Variants in PIEZO2 observed in about 807,000 individuals in gnomAD.
PIEZO2 encodes piezo-type mechanosensitive ion channel component 2.
In PIEZO2, 172 loss-of-function variants were observed where a neutral mutation model predicts 337.3. That is an observed-to-expected ratio of 0.51 (90% CI 0.45 to 0.58). The LOEUF (loss-of-function observed/expected upper bound fraction) is 0.58, where lower values mean the gene tolerates loss of function less well. Ranked by LOEUF, PIEZO2 falls within the 20% of genes least tolerant of loss-of-function variation. PIEZO2 has a pLI of 0.00. For synonymous variants in PIEZO2, 1,251 were observed against 1,228.5 expected, an observed-to-expected ratio of 1.02 and a Z score of -0.38; for missense variants, 3,028 against 3,391.3, an observed-to-expected ratio of 0.89 and a Z score of 2.66.
At position 10,855,311 on chromosome 18, in the gene PIEZO2, G is replaced by A. The variant is rs936764751; in HGVS notation, c.917+42C>T. 106 of 1,478,210 alleles carry A rather than the reference G, an allele frequency of 7.2e-5. No individual in the cohort carries two copies. Among genetic ancestry groups the A allele is most frequent in the Non-Finnish European group, 9.1e-5 (100 of 1,094,102 alleles). The allele number at this position is 1,478,210 out of a possible 1,614,324, so 91.6% of individuals were successfully genotyped here. ...CCAAACCAAGGTCCCAAAGGCGTGG[G>A]GGGACAACCTCTCCTGGAAATGCCA... On this transcript the variant is annotated intron_variant, in intron 7 of 55. Transcript: ENST00000674853. The surrounding 1 kb of genome is among the most constrained non-coding windows in gnomAD (Gnocchi z 4.9).
intron 2 of PIEZO2, among the ~76,000 whole-genome samples, chr18:11,024,525 G>C (rs1316058258): frequency 1.4e-5 from 2 of 138,750 alleles, no homozygotes; most frequent in African/African-American, 2.7e-5. Context: ...CAGCCTGGGC[G>C]ACAGAGCGAG....
At chr18:11,141,500 C>G (rs2040645243) in intron 1 of PIEZO2, among the ~76,000 whole-genome samples, 3 of 152,124 alleles carry the variant, frequency 2.0e-5, no homozygotes, top group African/African-American at 7.2e-5. Flanking sequence ...GCGGGGCGCA[C>G]AGAATGTAGA....
intron 1 of PIEZO2, among the ~76,000 whole-genome samples, chr18:11,071,370 T>A (rs1160227260): frequency 6.6e-6 from 1 of 152,214 alleles, no homozygotes; most frequent in African/African-American, 2.4e-5. Context: ...GTAGAGACAT[T>A]TGGTCATTCA....
At position 11,112,803 on chromosome 18, in the gene PIEZO2, C is replaced by G. The variant is rs973212606; in HGVS notation, c.64+35722G>C. Among the ~76,000 whole-genome samples the G allele has an allele frequency of 6.6e-6, 1 of 152,088 alleles. No homozygotes were observed. Among genetic ancestry groups the G allele is most frequent in the Non-Finnish European group, 1.5e-5 (1 of 68,032 alleles). On this transcript the variant is annotated intron_variant, in intron 1 of 55. Coordinates refer to ENST00000674853, the MANE Select transcript of PIEZO2 (RefSeq NM_001378183.1). The surrounding 1 kb of genome is among the most constrained non-coding windows in gnomAD (Gnocchi z 4.3). ...TTCTCTCCATCTGCAGTTAGGTCAC[C>G]GACAAGAGGAAGAGGCGCTATGGAG... is the stretch of plus-strand genomic sequence containing the variant.
At position 11,129,360 on chromosome 18, in the gene PIEZO2, A is replaced by G. The variant is rs1038652252; in HGVS notation, c.64+19165T>C. On this transcript the variant is annotated intron_variant, in intron 1 of 55. Transcript: ENST00000674853. The surrounding 1 kb of genome is among the most constrained non-coding windows in gnomAD (Gnocchi z 4.6). ...GGTAGGCGTAGCTACCATAATGGAC[A>G]GCAGAGGCAAAGCGGCAATCAGAAT... 6.6e-6 allele frequency among the ~76,000 whole-genome samples: 1 copy of G among 152,144 alleles called. No homozygotes were observed. Among genetic ancestry groups the G allele is most frequent in the Non-Finnish European group, 1.5e-5 (1 of 68,012 alleles).
rs187592768 is a variant in PIEZO2, at chr18:10,713,355, T to G, written c.5423+1409A>C. 8.8e-3 allele frequency among the ~76,000 whole-genome samples: 1,307 copies of G among 147,900 alleles called. 9 individuals are homozygous for G. The highest frequency in any genetic ancestry group is 0.014 in the Non-Finnish European group (943 of 66,938). ...AGCACTTTAGGGCAAAACTTTTTGG[T>G]TTTTTTTTTACCCACATTCCTCACT... is the stretch of plus-strand genomic sequence containing the variant. On this transcript the variant is annotated intron_variant, in intron 39 of 55. Transcript: ENST00000674853. The surrounding 1 kb of genome is among the most constrained non-coding windows in gnomAD (Gnocchi z 4.5).
rs2040258574 is a variant in PIEZO2 at position 11,128,811 on chromosome 18, C to G, written c.64+19714G>C. Reference sequence around the variant, plus strand: ...GGAGGTGCACTACACTCAAAAAGAACTGTTTGAGTTCTCTAATTTATATAA... The same window carrying G: ...GGAGGTGCACTACACTCAAAAAGAAGTGTTTGAGTTCTCTAATTTATATAA... On this transcript the variant is annotated intron_variant, in intron 1 of 55. Transcript: ENST00000674853. The surrounding 1 kb of genome is among the most constrained non-coding windows in gnomAD (Gnocchi z 4.1). Among the ~76,000 whole-genome samples, 1 of 152,104 alleles carries G rather than the reference C, an allele frequency of 6.6e-6. No homozygotes were observed. Among genetic ancestry groups the G allele is most frequent in the Non-Finnish European group, 1.5e-5 (1 of 68,028 alleles).
At chr18:11,059,967 C>T (rs1449900751) in intron 2 of PIEZO2, among the ~76,000 whole-genome samples, 1 of 152,162 alleles carries the variant, frequency 6.6e-6, no homozygotes, top group African/African-American at 2.4e-5. Context: ...CTTCTCAGCA[C>T]CACACCGCAC....
At chr18:10,708,921 G>A (rs768366728) in intron 39 of PIEZO2, among the ~76,000 whole-genome samples, 27 of 151,800 alleles carry the variant, frequency 1.8e-4, no homozygotes, top group Non-Finnish European at 3.1e-4. Flanking sequence ...TTTTTAACAC[G>A]GTCTTCAGAA....
rs2038580553 is a variant in PIEZO2, at chr18:11,077,320, T to A, written c.65-11098A>T. On this transcript the variant is annotated intron_variant, in intron 1 of 55. Coordinates refer to ENST00000674853, the MANE Select transcript of PIEZO2 (RefSeq NM_001378183.1). This position sits in a 1 kb window ranked among gnomAD's most constrained non-coding sequence, Gnocchi z 4.8. ...AAGTGAAGAGTTAGCATTTGTAGAC[T>A]GGAGGACTTGGTAGCTTGCTTTGGT... Among the ~76,000 whole-genome samples, 1 of 152,190 alleles carries A rather than the reference T, an allele frequency of 6.6e-6. No individual in the cohort carries two copies. Among genetic ancestry groups the A allele is most frequent in the African/African-American group, 2.4e-5 (1 of 41,456 alleles).
chr18:10,882,174 ATG>A (rs1381639710), intron 4 of PIEZO2, among the ~76,000 whole-genome samples: 1 of 152,116 alleles, frequency 6.6e-6, no homozygotes, highest in Non-Finnish European at 1.5e-5. Context: ...AGAGCTCCCC[ATG>A]TGTTTACTTG....
intron 7 of PIEZO2, among the ~76,000 whole-genome samples, chr18:10,814,806 G>A (rs16975399): frequency 0.19 from 28,896 of 152,072 alleles, 2,867 homozygotes; most frequent in Admixed American, 0.25. Flanking sequence ...CATGATGACT[G>A]GCCAATGAGA....
chr18:10,801,244 T>C (rs2039803603), intron 10 of PIEZO2, 146 bp downstream of exon 10: 1 of 594,050 alleles, frequency 1.7e-6, no homozygotes, highest in Non-Finnish European at 2.8e-6. Context: ...TTAACAGCAA[T>C]CTACCAGATA....
At chr18:10,685,122 G>A (rs2034494022) in intron 49 of PIEZO2, among the ~76,000 whole-genome samples, 1 of 152,194 alleles carries the variant, frequency 6.6e-6, no homozygotes. Context: ...TGCCTTTCAG[G>A]TTATTGCTCT....
chr18:10,804,670 G>A (rs74811226), intron 8 of PIEZO2, among the ~76,000 whole-genome samples: 42,697 of 151,952 alleles, frequency 0.28, 6,930 homozygotes, highest in Middle Eastern at 0.41. Context: ...CTCCCTGGGA[G>A]GGGCGTTACA....
In PIEZO2 at chr18:10,677,760, A is replaced by G. The variant is rs1021952141; in HGVS notation, c.8068T>C (p.Ser2690Pro). The G allele has an allele frequency of 1.9e-5, 31 of 1,608,808 alleles. No individual in the cohort carries two copies. Among genetic ancestry groups the G allele is most frequent in the Non-Finnish European group, 2.5e-5 (30 of 1,178,842 alleles). The change falls in exon 53 of 56, where the codon TCA becomes CCA. Residue 2690 changes from serine to proline, a missense_variant. By Grantham distance (74) the Ser-to-Pro change is moderately conservative (BLOSUM62 -1). Coordinates refer to ENST00000674853, the MANE Select transcript of PIEZO2 (RefSeq NM_001378183.1). The surrounding 1 kb of genome is among the most constrained non-coding windows in gnomAD (Gnocchi z 4.1). ...AAATACACTTACACTGGTGTTTTTG[A>G]ACTTTCTGTGCTGTTGCCTGCTATC... ...KMIAGNSTES[S>P]KTPVTIEKIY...
Position 10,816,110 on chromosome 18 carries a change from G to A in PIEZO2, c.918-8836C>T, listed in dbSNP as rs1044886347. Among the ~76,000 whole-genome samples the A allele has an allele frequency of 6.6e-5, 10 of 152,134 alleles. No homozygotes were observed. The South Asian group carries it at 1.0e-3, about 16-fold the overall frequency. Reference sequence around the variant, plus strand: ...CCTAAGTCTCATGCTGGAAGCCCTCGGCTCTTCACTGGGAGGAGCTTCCTT... The same window carrying A: ...CCTAAGTCTCATGCTGGAAGCCCTCAGCTCTTCACTGGGAGGAGCTTCCTT... On this transcript the variant is annotated intron_variant, in intron 7 of 55. Coordinates refer to ENST00000674853, the MANE Select transcript of PIEZO2 (RefSeq NM_001378183.1).
chr18:10,806,267 G>C (rs1029710022), intron 8 of PIEZO2, among the ~76,000 whole-genome samples: 1 of 148,718 alleles, frequency 6.7e-6, no homozygotes, highest in Non-Finnish European at 1.5e-5. Context: ...CCGCAGGTGG[G>C]GCCTGAAAAG....
At position 10,973,620 on chromosome 18, in the gene PIEZO2, TTG is replaced by T. The variant is rs1171974069; in HGVS notation, c.286+5913_286+5914del. On this transcript the variant is annotated intron_variant, in intron 3 of 55. Transcript: ENST00000674853. This position sits in a 1 kb window ranked among gnomAD's most constrained non-coding sequence, Gnocchi z 4.9. ...TAGCTTGGACCAGTTTTTTAAATTG[TTG>T]TATTGAGCGGCAACATCTGCTTTCA... 6.6e-6 allele frequency among the ~76,000 whole-genome samples: 1 copy of T among 152,196 alleles called. No homozygotes were observed.
Sources: gnomAD v4.1 joint callset for allele counts (sites outside exome capture counted in the v4.1 genomes callset) on GRCh38, gnomAD v4.1.1 for gene constraint, Gnocchi (gnomAD v3.1) non-coding constraint, MANE v1.5 for transcripts, NCBI Gene and HGNC (gene_info 2026-07-23, HGNC 2026-07-21) for gene names.